Variants in FBXO46 observed in about 807,000 individuals in gnomAD.
The protein encoded by FBXO46 is F-box only protein 46.
A neutral mutation model predicts 30.7 loss-of-function variants in FBXO46; 13 were observed. That is an observed-to-expected ratio of 0.42 (90% CI 0.28 to 0.67). FBXO46 has a LOEUF of 0.67. FBXO46 is among the 30% of genes least tolerant of loss of function. The pLI is 0.21. For missense variants in FBXO46, 754 were observed against 871.5 expected, an observed-to-expected ratio of 0.87 and a Z score of 1.70; for synonymous variants, 467 against 385.8, an observed-to-expected ratio of 1.21 and a Z score of -2.47.
chr19:45,713,007 G>A lies in FBXO46; in HGVS notation c.489C>T (p.Ala163=), dbSNP rs534388646. ...CAGAGAGCAGGTCCACGTCCTCACC[G>A]GCTGAGGCGGGGCCCTCCTCAGCAG... The part of the protein sequence containing the change: ...PPAAEEGPAS[A]GEDVDLLSVA... Residue 163 remains alanine (A), a synonymous_variant, in exon 2 of 2, where the codon GCC becomes GCT. Transcript: ENST00000317683. This position sits in a 1 kb window ranked among gnomAD's most constrained non-coding sequence, Gnocchi z 4.7. 2.2e-5 allele frequency: 34 copies of A among 1,556,892 alleles called. No homozygotes were observed. Among genetic ancestry groups the A allele is most frequent in the African/African-American group, 1.1e-4 (8 of 73,542 alleles).
chr19:45,725,082 A>C (rs1259816136), intron 1 of FBXO46, among the ~76,000 whole-genome samples: 2 of 152,002 alleles, frequency 1.3e-5, no homozygotes, highest in Non-Finnish European at 2.9e-5. Flanking sequence ...CTGTGACTGC[A>C]CCACTGTACT....
intron 1 of FBXO46, among the ~76,000 whole-genome samples, chr19:45,722,687 G>A (rs1306946656): frequency 6.6e-6 from 1 of 152,008 alleles, no homozygotes; most frequent in Non-Finnish European, 1.5e-5. Context: ...GCGTGAACCC[G>A]GGAGGCGGAG....
In FBXO46 at chr19:45,712,118, G is replaced by A. The variant is rs1967983354; in HGVS notation, c.1378C>T (p.Arg460Cys). ...RHVSHDFLEIRFKIQRLLEPR... is the reference protein window; with the variant it reads ...RHVSHDFLEICFKIQRLLEPR... ...TCCAGCAGCCGCTGAATCTTGAAGCGGATCTCTAGGAAGTCGTGCGACACG... is the reference window on the plus strand; with the variant it reads ...TCCAGCAGCCGCTGAATCTTGAAGCAGATCTCTAGGAAGTCGTGCGACACG... The change falls in exon 2 of 2, where the codon CGC becomes TGC. Residue 460 changes from arginine (R) to cysteine (C), a missense_variant. Coordinates refer to ENST00000317683, the MANE Select transcript of FBXO46 (RefSeq NM_001080469.2). This position sits in a 1 kb window ranked among gnomAD's most constrained non-coding sequence, Gnocchi z 8.8. 6.3e-7 allele frequency: 1 copy of A among 1,599,504 alleles called. No homozygotes were observed. Among genetic ancestry groups the A allele is most frequent in the Non-Finnish European group, 8.5e-7 (1 of 1,173,686 alleles).
At position 45,713,017 on chromosome 19, in the gene FBXO46, G is replaced by T. The variant is rs1321514712; in HGVS notation, c.479C>A (p.Pro160His). The change falls in exon 2 of 2, where the codon CCC (proline) becomes CAC (histidine). Residue 160 changes from proline to histidine, a missense_variant. Around this residue, in one of 5 missense-constraint regions of FBXO46, gnomAD observed 454 missense variants for 426.5 expected, o/e 1.06. Coordinates refer to ENST00000317683, the MANE Select transcript of FBXO46 (RefSeq NM_001080469.2). The surrounding 1 kb of genome is among the most constrained non-coding windows in gnomAD (Gnocchi z 4.7). ...GTCCACGTCCTCACCGGCTGAGGCG[G>T]GGCCCTCCTCAGCAGCAGGGGGGCC... The part of the protein sequence containing the change: ...REGPPAAEEG[P>H]ASAGEDVDLL... The T allele has an allele frequency of 6.4e-7, 1 of 1,557,962 alleles. No individual in the cohort carries two copies. The highest frequency in any genetic ancestry group is 1.2e-5 in the South Asian group (1 of 85,024).
intron 1 of FBXO46, among the ~76,000 whole-genome samples, chr19:45,721,196 A>C (rs1428490014): frequency 6.6e-6 from 1 of 152,006 alleles, no homozygotes. Context: ...TCTACTAAAA[A>C]TACAAAAATT....
rs1473487565 is a variant in FBXO46, at chr19:45,712,824, G to A, written c.672C>T (p.Cys224=). The change falls in exon 2 of 2, where the codon TGC becomes TGT. Residue 224 remains cysteine, a synonymous_variant. Coordinates refer to ENST00000317683, the MANE Select transcript of FBXO46 (RefSeq NM_001080469.2). This position sits in a 1 kb window ranked among gnomAD's most constrained non-coding sequence, Gnocchi z 8.8. The part of the protein sequence containing the change: ...GSERRSGGGD[C]SRVAEAVAHF... Reference sequence around the variant, plus strand: ...GGGCCACGGCCTCGGCTACACGGCTGCAGTCCCCACCACCGGACCGCCGTT... The same window carrying A: ...GGGCCACGGCCTCGGCTACACGGCTACAGTCCCCACCACCGGACCGCCGTT... 11 of 1,612,796 alleles carry A rather than the reference G, an allele frequency of 6.8e-6. No homozygotes were observed. The highest frequency in any genetic ancestry group is 8.5e-6 in the Non-Finnish European group (10 of 1,179,576).
In FBXO46 at chr19:45,712,904, G is replaced by T; in HGVS notation, c.592C>A (p.Pro198Thr). The change falls in exon 2 of 2, where the codon CCT becomes ACT. Residue 198 changes from proline to threonine, a missense_variant. Pro to Thr is a conservative substitution (Grantham distance 38). Around this residue, in one of 5 missense-constraint regions of FBXO46, gnomAD observed 454 missense variants for 426.5 expected, o/e 1.06. Coordinates refer to ENST00000317683, the MANE Select transcript of FBXO46 (RefSeq NM_001080469.2). This position sits in a 1 kb window ranked among gnomAD's most constrained non-coding sequence, Gnocchi z 8.8. ...QSYPRPTTPA[P>T]VVFVSAEQGG... is the part of the protein sequence containing the mutation. ...TGCTCGGCGGACACAAAGACTACAGGCGCTGGGGTGGTCGGTCGTGGGTAG... is the reference window on the plus strand; with the variant it reads ...TGCTCGGCGGACACAAAGACTACAGTCGCTGGGGTGGTCGGTCGTGGGTAG... 6.2e-7 allele frequency: 1 copy of T among 1,612,650 alleles called. No individual in the cohort carries two copies. The highest frequency in any genetic ancestry group is 8.5e-7 in the Non-Finnish European group (1 of 1,179,440).
chr19:45,723,890 T>G (rs541208392), intron 1 of FBXO46, among the ~76,000 whole-genome samples: 159 of 151,618 alleles, frequency 1.0e-3, no homozygotes, highest in Middle Eastern at 6.8e-3. Flanking sequence ...GAACTCCTGA[T>G]CTCAGGAGTT....
intron 1 of FBXO46, among the ~76,000 whole-genome samples, chr19:45,728,624 C>A (rs1334012879): frequency 6.6e-6 from 1 of 151,926 alleles, no homozygotes; most frequent in Non-Finnish European, 1.5e-5. Flanking sequence ...CCCCTTAAGC[C>A]TAGGAATTTG....
rs565393518 is a variant in FBXO46, at chr19:45,722,696, A to G, written c.-79+8153T>C. On this transcript the variant is annotated intron_variant, in intron 1 of 1. Transcript: ENST00000317683. ...AGAATGGCGTGAACCCGGGAGGCGG[A>G]GCTTGCAGTGAGCCGAGATTGCGCC... Among the ~76,000 whole-genome samples the G allele has an allele frequency of 2.8e-3, 420 of 151,640 alleles. 1 individual carries two copies. Among genetic ancestry groups the G allele is most frequent in the African/African-American group, 9.5e-3 (391 of 41,328 alleles).
upstream of FBXO46, among the ~76,000 whole-genome samples, chr19:45,732,775 G>C (rs1427456094): frequency 3.3e-5 from 5 of 151,596 alleles, no homozygotes; most frequent in Admixed American, 2.0e-4. Context: ...ATTTTTAGCC[G>C]AGACGGGGTT....
At chr19:45,716,573 C>T (rs1337971832) in intron 1 of FBXO46, 1 of 152,116 alleles carries the variant, frequency 6.6e-6, no homozygotes, top group East Asian at 1.9e-4. Flanking sequence ...CCTATACTCC[C>T]CCCAACCCTC....
In FBXO46 at chr19:45,711,291, T is replaced by C; in HGVS notation, c.*393A>G. The C allele has an allele frequency of 2.3e-6, 1 of 432,458 alleles. No individual in the cohort carries two copies. Among genetic ancestry groups the C allele is most frequent in the Non-Finnish European group, 4.4e-6 (1 of 224,822 alleles). 26.8% of individuals were successfully genotyped at this position (432,458 alleles called of 1,614,324 possible). ...AATAACAGCTCCAGCGAGAAAGAAT[T>C]GGGGTGAGGGAGAGGATGGGGGCCA... On this transcript the variant is annotated 3_prime_UTR_variant, in exon 2 of 2. Transcript: ENST00000317683.
At chr19:45,721,395 G>A (rs1968168128) in intron 1 of FBXO46, among the ~76,000 whole-genome samples, 1 of 151,930 alleles carries the variant, frequency 6.6e-6, no homozygotes, top group Admixed American at 6.6e-5. Context: ...AAATGGTAAA[G>A]CGTAGATGTC....
chr19:45,727,294 A>C (rs1968252857), intron 1 of FBXO46, among the ~76,000 whole-genome samples: 2 of 152,050 alleles, frequency 1.3e-5, no homozygotes, highest in Non-Finnish European at 1.5e-5. Flanking sequence ...GCAGTGGCTC[A>C]CGCCTGTAAT....
At chr19:45,715,906 A>G (rs1968084975) in intron 1 of FBXO46, 1 of 152,052 alleles carries the variant, frequency 6.6e-6, no homozygotes, top group African/African-American at 2.4e-5. Context: ...CATGTCAAGA[A>G]TCTTTATCTC....
Position 45,711,635 on chromosome 19 carries a change from G to A in FBXO46, c.*49C>T, listed in dbSNP as rs1299974677. 3.6e-6 allele frequency: 5 copies of A among 1,407,398 alleles called. No homozygotes were observed. In the African/African-American group the frequency reaches 4.3e-5, roughly 12 times the overall value. 87.2% of individuals were successfully genotyped at this position (1,407,398 alleles called of 1,614,324 possible). A position where few individuals can be genotyped will look rare whatever the true frequency, so the allele number is the denominator to read the frequency against. The stretch of plus-strand genomic sequence containing the variant: ...AGTCCGGACCCTCGGCTCCCGGGGG[G>A]AGAGGGGAGGGGTGGGCGTGGTGGG... On this transcript the variant is annotated 3_prime_UTR_variant, in exon 2 of 2. Coordinates refer to ENST00000317683, the MANE Select transcript of FBXO46 (RefSeq NM_001080469.2).
rs374743930 is a variant in FBXO46, at chr19:45,712,740, G to A, written c.756C>T (p.Pro252=). 2.5e-5 allele frequency: 41 copies of A among 1,611,504 alleles called. No homozygotes were observed. The highest frequency in any genetic ancestry group is 6.7e-5 in the African/African-American group (5 of 74,880). Reference sequence around the variant, plus strand: ...TGCGCACCTCCCCAGGGCCTGGCCCGGGCCGCTCTTCCTTGCGGAGGCCCT... The same window carrying A: ...TGCGCACCTCCCCAGGGCCTGGCCCAGGCCGCTCTTCCTTGCGGAGGCCCT... ...PTKGLRKEER[P]GPGPGEVRIA... is the part of the protein sequence containing the mutation. Residue 252 remains proline, a synonymous_variant, in exon 2 of 2, where the codon CCC becomes CCT. Coordinates refer to ENST00000317683, the MANE Select transcript of FBXO46 (RefSeq NM_001080469.2). This position sits in a 1 kb window ranked among gnomAD's most constrained non-coding sequence, Gnocchi z 8.8.
At chr19:45,722,670 G>A (rs918623343) in intron 1 of FBXO46, among the ~76,000 whole-genome samples, 2 of 152,054 alleles carry the variant, frequency 1.3e-5, no homozygotes, top group Non-Finnish European at 2.9e-5. Context: ...GCTGAGGCAG[G>A]AGAATGGCGT....
Sources: allele counts gnomAD v4.1 joint callset (sites outside exome capture counted in the v4.1 genomes callset), GRCh38; gene constraint gnomAD v4.1.1; regional missense constraint gnomAD v4.1.1; non-coding constraint Gnocchi (gnomAD v3.1); transcripts MANE v1.5; gene names NCBI Gene and HGNC (gene_info 2026-07-23, HGNC 2026-07-21).